CCDC88C: variants seen among roughly 807,000 people sequenced by gnomAD.
CCDC88C encodes protein Daple.
A neutral mutation model predicts 198.8 loss-of-function variants in CCDC88C; 131 were observed. That is an observed-to-expected ratio of 0.66 (90% CI 0.57 to 0.76). The LOEUF (loss-of-function observed/expected upper bound fraction) is 0.76. CCDC88C is among the 30% of genes least tolerant of loss of function. CCDC88C has a pLI of 0.00. For synonymous variants in CCDC88C, 1,166 were observed against 1,114.7 expected (o/e 1.05, Z -0.92); for missense variants, 2,553 against 2,631.6 (o/e 0.97, Z 0.65).
chr14:91,286,297 G>C (rs1218180655), intron 25 of CCDC88C, among the ~76,000 whole-genome samples: 1 of 152,016 alleles, frequency 6.6e-6, no homozygotes, highest in Non-Finnish European at 1.5e-5. Context: ...CCGTTTCAGG[G>C]CGCTGTAATC....
intron 4 of CCDC88C, among the ~76,000 whole-genome samples, chr14:91,344,831 C>G (rs938396390): frequency 6.6e-6 from 1 of 150,990 alleles, no homozygotes; most frequent in African/African-American, 2.4e-5. Context: ...GGTTCCCACT[C>G]TATTGCCCAG....
At chr14:91,276,042 G>C (rs899896272) in intron 29 of CCDC88C, among the ~76,000 whole-genome samples, 11 of 151,514 alleles carry the variant, frequency 7.3e-5, no homozygotes, top group Admixed American at 5.3e-4. Flanking sequence ...GGATGGTCTC[G>C]ATCTCCTGAC....
intron 3 of CCDC88C, among the ~76,000 whole-genome samples, chr14:91,360,677 G>A (rs1184662029): frequency 6.6e-6 from 1 of 152,152 alleles, no homozygotes; most frequent in African/African-American, 2.4e-5. Context: ...CACACCCGTG[G>A]GCTTGGAGAG....
chr14:91,383,934 T>A (rs1421395714), intron 3 of CCDC88C, among the ~76,000 whole-genome samples: 1 of 152,204 alleles, frequency 6.6e-6, no homozygotes, highest in East Asian at 1.9e-4. Context: ...GCAGCCTCCC[T>A]CTGTTACTAC....
Position 91,417,677 on chromosome 14 carries a change from A to T in CCDC88C, c.14T>A (p.Val5Asp), listed in dbSNP as rs1396036593. Residue 5 changes from valine (V) to aspartate (D), a missense_variant, in exon 1 of 30, where the codon GTC becomes GAC. Coordinates refer to ENST00000389857, the MANE Select transcript of CCDC88C (RefSeq NM_001080414.4). MDVT[V>D]SELLELFLQS... ...CAGGAAGAGCTCCAGGAGCTCCGAG[A>T]CTGTCACGTCCATGCTGAGGCTGCG... The T allele has an allele frequency of 6.3e-7, 1 of 1,578,832 alleles. No individual in the cohort carries two copies. Among genetic ancestry groups the T allele is most frequent in the Non-Finnish European group, 8.6e-7 (1 of 1,166,372 alleles).
At chr14:91,401,277 A>G (rs1170421076) in intron 3 of CCDC88C, among the ~76,000 whole-genome samples, 2 of 144,084 alleles carry the variant, frequency 1.4e-5, no homozygotes, top group African/African-American at 5.1e-5. Flanking sequence ...TATATATATT[A>G]TATATTATAT....
intron 13 of CCDC88C, among the ~76,000 whole-genome samples, chr14:91,316,897 C>T (rs959445943): frequency 6.6e-6 from 1 of 152,206 alleles, no homozygotes; most frequent in Non-Finnish European, 1.5e-5. Flanking sequence ...TGGCTGCAGA[C>T]TTTCTGGCCC....
At chr14:91,294,440 C>T (rs1167671345) in intron 22 of CCDC88C, 122 bp from the exon 23 acceptor site, 2 of 1,184,184 alleles carry the variant, frequency 1.7e-6, no homozygotes, top group African/African-American at 3.1e-5. Flanking sequence ...TAATCTACGC[C>T]AGTGGAAACT....
At chr14:91,332,463 A>T (rs1892877261) in intron 10 of CCDC88C, among the ~76,000 whole-genome samples, 1 of 152,214 alleles carries the variant, frequency 6.6e-6, no homozygotes, top group African/African-American at 2.4e-5. Context: ...AACCATGTAC[A>T]TTTGTGTTCC....
chr14:91,293,332 A>ACCTTCCTGTCCCCTCGCCTGCCAC (rs1890777790), intron 23 of CCDC88C, among the ~76,000 whole-genome samples: 2 of 4,106 alleles, frequency 4.9e-4, no homozygotes, highest in African/African-American at 1.9e-3. Context: ...TCACCTGCCA[A>ACCTTCCTGTCCCCTCGCCTGCCAC]AGCTCACCTT....
chr14:91,303,890 T>C lies in CCDC88C; in HGVS notation c.3446A>G (p.Glu1149Gly), dbSNP rs1439086692. 9 of 1,612,872 alleles carry C rather than the reference T, an allele frequency of 5.6e-6. No homozygotes were observed. Among genetic ancestry groups the C allele is most frequent in the Non-Finnish European group, 6.8e-6 (8 of 1,179,886 alleles). Residue 1149 changes from glutamate (E) to glycine (G), a missense_variant, in exon 20 of 30, where the codon GAG becomes GGG. Coordinates refer to ENST00000389857, the MANE Select transcript of CCDC88C (RefSeq NM_001080414.4). ...LQNHHTAKET[E>G]NESLQRQQEQ... ...CTGCTGCCTCTGCAGGCTTTCGTTC[T>C]CCGTCTCCTTGGCCGTGTGGTGGTT...
At chr14:91,412,519 C>G (rs1238145340) in intron 2 of CCDC88C, among the ~76,000 whole-genome samples, 1 of 151,712 alleles carries the variant, frequency 6.6e-6, no homozygotes, top group Non-Finnish European at 1.5e-5. Flanking sequence ...ACTGCAAGCT[C>G]TGCCTCCCGG....
intron 22 of CCDC88C, among the ~76,000 whole-genome samples, chr14:91,295,589 C>T (rs979269070): frequency 7.2e-5 from 11 of 152,226 alleles, no homozygotes; most frequent in South Asian, 4.1e-4. Context: ...ATCCCAGTAA[C>T]GATGGGGGAG....
rs527683654 is a variant in CCDC88C at position 91,313,833 on chromosome 14, G to T, written c.1983C>A (p.Val661=). 1.2e-6 allele frequency: 2 copies of T among 1,603,546 alleles called. No individual in the cohort carries two copies. Among genetic ancestry groups the T allele is most frequent in the African/African-American group, 2.7e-5 (2 of 74,652 alleles). The part of the protein sequence containing the change: ...VTSLETATEK[V]EALEHESQGL... ...CCTGGCTCTCATGCTCCAGGGCCTC[G>T]ACTTTCTCGGTGGCTGTCTCCAGGG... is the stretch of plus-strand genomic sequence containing the variant. Residue 661 remains valine, a synonymous_variant, in exon 15 of 30, where the codon GTC becomes GTA. Coordinates refer to ENST00000389857, the MANE Select transcript of CCDC88C (RefSeq NM_001080414.4). This position sits in a 1 kb window ranked among gnomAD's most constrained non-coding sequence, Gnocchi z 5.2.
intron 20 of CCDC88C, among the ~76,000 whole-genome samples, chr14:91,302,685 T>A (rs986505989): frequency 6.6e-6 from 1 of 152,188 alleles, no homozygotes; most frequent in Non-Finnish European, 1.5e-5. Flanking sequence ...AGGACATAAA[T>A]GACTGTCGAG....
chr14:91,340,960 C>A (rs374806105), intron 6 of CCDC88C, among the ~76,000 whole-genome samples: 21 of 152,168 alleles, frequency 1.4e-4, no homozygotes, highest in African/African-American at 5.1e-4. Flanking sequence ...TATGATCACA[C>A]CACTTGTACT....
At chr14:91,305,995 G>T (rs1324771985) in intron 18 of CCDC88C, 69 bp from the exon 19 acceptor site, 3 of 1,519,572 alleles carry the variant, frequency 2.0e-6, no homozygotes, top group South Asian at 1.2e-5. Context: ...ACAGGTACTT[G>T]GGTTGTAACG....
chr14:91,317,203 G>T (rs560021479), intron 13 of CCDC88C, among the ~76,000 whole-genome samples: 1 of 152,214 alleles, frequency 6.6e-6, no homozygotes, highest in South Asian at 2.1e-4. Context: ...CCATGGAGGT[G>T]CCTTGAGTTA....
intron 12 of CCDC88C, 94 bp downstream of exon 12, chr14:91,324,685 G>A: frequency 6.9e-7 from 1 of 1,440,996 alleles, no homozygotes. Context: ...TGAATGGATG[G>A]GCTAACATGG....
Sources: gnomAD v4.1 joint callset for allele counts (sites outside exome capture counted in the v4.1 genomes callset) on GRCh38, gnomAD v4.1.1 for gene constraint, Gnocchi (gnomAD v3.1) non-coding constraint, MANE v1.5 for transcripts, NCBI Gene and HGNC (gene_info 2026-07-23, HGNC 2026-07-21) for gene names.